Variants in ADAMTS17 observed in about 807,000 individuals in gnomAD.
ADAMTS17 encodes A disintegrin and metalloproteinase with thrombospondin motifs 17.
Under a neutral mutation model 141.5 loss-of-function variants are expected in ADAMTS17, and 113 were observed. The observed-to-expected ratio is 0.80, with a 90% CI of 0.69 to 0.93. The LOEUF (loss-of-function observed/expected upper bound fraction) is 0.93. Ranked by LOEUF, ADAMTS17 falls within the 40% of genes least tolerant of loss-of-function variation. The pLI, the probability that ADAMTS17 is intolerant of heterozygous loss-of-function variation, is 0.00. For synonymous variants in ADAMTS17, 768 were observed against 630.6 expected (o/e 1.22, Z -3.27); for missense variants, 1,659 against 1,517.9 (o/e 1.09, Z -1.54).
At chr15:100,078,580 A>C (rs1484717110) in intron 15 of ADAMTS17, among the ~76,000 whole-genome samples, 1 of 152,242 alleles carries the variant, frequency 6.6e-6, no homozygotes, top group Admixed American at 6.5e-5. Context: ...AAAATGGATC[A>C]CAGATGTAAA....
chr15:100,298,202 A>T (rs953904988), intron 3 of ADAMTS17, among the ~76,000 whole-genome samples: 5 of 152,192 alleles, frequency 3.3e-5, no homozygotes, highest in Non-Finnish European at 7.3e-5. Context: ...AGTCAAGGGA[A>T]GATTTCCTTG....
In ADAMTS17 at chr15:100,072,245, T is replaced by C. The variant is rs528722026; in HGVS notation, c.2138-18191A>G. On this transcript the variant is annotated intron_variant, in intron 15 of 21. Coordinates refer to ENST00000268070, the MANE Select transcript of ADAMTS17 (RefSeq NM_139057.4). ...AGGAGAACTACAAACCACTGCTCAATGAAATAAAAGAGGATACAAACAAAT... is the reference window on the plus strand; with the variant it reads ...AGGAGAACTACAAACCACTGCTCAACGAAATAAAAGAGGATACAAACAAAT... Among the ~76,000 whole-genome samples, 1,118 of 147,084 alleles carry C rather than the reference T, an allele frequency of 7.6e-3. 46 individuals are homozygous for C. Among genetic ancestry groups the C allele is most frequent in the African/African-American group, 0.027 (1,062 of 39,706 alleles).
At chr15:100,152,173 C>T (rs962269617) in intron 10 of ADAMTS17, among the ~76,000 whole-genome samples, 18 of 152,242 alleles carry the variant, frequency 1.2e-4, no homozygotes, top group South Asian at 4.1e-4. Flanking sequence ...CAATTTGATA[C>T]GCTCAAATGT....
chr15:100,116,830 A>C lies in ADAMTS17; in HGVS notation c.1888+17T>G. The C allele has an allele frequency of 1.2e-6, 2 of 1,614,052 alleles. No individual in the cohort carries two copies. The highest frequency in any genetic ancestry group is 1.7e-6 in the Non-Finnish European group (2 of 1,180,016). On this transcript the variant is annotated intron_variant, in intron 13 of 21. Transcript: ENST00000268070. ...GGACAGGAGGCTGCCATGCAAGGAC[A>C]TGCCATATGCCTTTACCGTCAACCA...
intron 20 of ADAMTS17, among the ~76,000 whole-genome samples, chr15:99,991,542 G>GA (rs1278751158): frequency 6.6e-6 from 1 of 152,176 alleles, no homozygotes; most frequent in Non-Finnish European, 1.5e-5. Context: ...AGAGGATGTG[G>GA]AAAAATAGGA....
At chr15:100,089,837 T>TGGGGGG (rs2035339878) in intron 15 of ADAMTS17, among the ~76,000 whole-genome samples, 1 of 89,422 alleles carries the variant, frequency 1.1e-5, no homozygotes, top group African/African-American at 4.7e-5. Context: ...TGTTGTGGGG[T>TGGGGGG]TGGGGGAGGG....
intron 3 of ADAMTS17, among the ~76,000 whole-genome samples, chr15:100,328,245 A>C (rs1270751643): frequency 6.6e-6 from 1 of 152,064 alleles, no homozygotes; most frequent in African/African-American, 2.4e-5. Flanking sequence ...CAGTAAATTA[A>C]TTTTCCCGAT....
At chr15:100,061,251 C>T (rs1041617728) in intron 15 of ADAMTS17, among the ~76,000 whole-genome samples, 10 of 152,182 alleles carry the variant, frequency 6.6e-5, no homozygotes, top group Non-Finnish European at 1.3e-4. Context: ...GCTCCATGAA[C>T]GGCAGCGAAA....
At chr15:100,113,971 G>A (rs115520959) in intron 13 of ADAMTS17, among the ~76,000 whole-genome samples, 1,673 of 152,316 alleles carry the variant, frequency 0.011, 30 homozygotes, top group African/African-American at 0.035. Context: ...CCACTTCAAT[G>A]AGATTCCATG....
At chr15:100,227,788 G>GA (rs2042356122) in intron 7 of ADAMTS17, among the ~76,000 whole-genome samples, 1 of 152,232 alleles carries the variant, frequency 6.6e-6, no homozygotes, top group Admixed American at 6.5e-5. Context: ...GATTATCCAG[G>GA]AAAAGGAATG....
chr15:100,084,416 G>T (rs1383829891), intron 15 of ADAMTS17, among the ~76,000 whole-genome samples: 1 of 152,242 alleles, frequency 6.6e-6, no homozygotes, highest in African/African-American at 2.4e-5. Flanking sequence ...ACCTCTGGGG[G>T]CAGGGCACAG....
intron 10 of ADAMTS17, among the ~76,000 whole-genome samples, chr15:100,138,885 C>T (rs998009465): frequency 2.6e-5 from 4 of 152,048 alleles, no homozygotes; most frequent in Non-Finnish European, 5.9e-5. Flanking sequence ...TACTAACTTG[C>T]CTTTTAAAAA....
At chr15:100,326,450 TAC>T (rs757469143) in intron 3 of ADAMTS17, among the ~76,000 whole-genome samples, 2 of 152,224 alleles carry the variant, frequency 1.3e-5, no homozygotes, top group East Asian at 1.9e-4. Context: ...AAAGATCAGC[TAC>T]AGTTATCCCT....
intron 15 of ADAMTS17, chr15:100,063,829 G>T: frequency 1.8e-6 from 2 of 1,122,262 alleles, no homozygotes; most frequent in Non-Finnish European, 2.4e-6. Context: ...AGCATCCCCC[G>T]GCCAAAATCT....
At chr15:99,992,964 G>A in intron 20 of ADAMTS17, 84 bp downstream of exon 20, 1 of 1,563,276 alleles carries the variant, frequency 6.4e-7, no homozygotes, top group South Asian at 1.1e-5. Flanking sequence ...GCGTAGAATT[G>A]GGACCCGTCA....
At chr15:100,271,583 T>G (rs1386876657) in intron 4 of ADAMTS17, among the ~76,000 whole-genome samples, 1 of 68,498 alleles carries the variant, frequency 1.5e-5, no homozygotes, top group Non-Finnish European at 3.0e-5. Context: ...TTAAATTGAA[T>G]TGTTTTTTTT....
At chr15:100,170,462 C>T (rs570998696) in intron 8 of ADAMTS17, among the ~76,000 whole-genome samples, 12 of 152,312 alleles carry the variant, frequency 7.9e-5, no homozygotes, top group Admixed American at 5.2e-4. Context: ...AATCAGCCTT[C>T]TGGCCTACCT....
At chr15:100,302,752 A>G (rs368156114) in intron 3 of ADAMTS17, among the ~76,000 whole-genome samples, 4 of 152,202 alleles carry the variant, frequency 2.6e-5, no homozygotes, top group African/African-American at 9.7e-5. Context: ...TGAAGAATAC[A>G]AAGTATTGAT....
At chr15:100,326,826 C>A (rs1277155955) in intron 3 of ADAMTS17, among the ~76,000 whole-genome samples, 1 of 152,218 alleles carries the variant, frequency 6.6e-6, no homozygotes, top group Non-Finnish European at 1.5e-5. Flanking sequence ...TTGACCTCAT[C>A]CTAGCTGCCT....
Sources: gnomAD v4.1 joint callset for allele counts (sites outside exome capture counted in the v4.1 genomes callset) on GRCh38, gnomAD v4.1.1 for gene constraint, MANE v1.5 for transcripts, NCBI Gene and HGNC (gene_info 2026-07-23, HGNC 2026-07-21) for gene names.